The following ITFG1 variants were observed in gnomAD, a reference collection of about 807,000 sequenced individuals.
ITFG1 encodes the protein integrin alpha FG-GAP repeat containing 1, also known as T-cell immunomodulatory protein.
ITFG1 carries 34 observed loss-of-function variants against 81.8 expected under a neutral mutation model. The ratio of observed to expected loss-of-function variants is 0.42; its 90% CI spans 0.32 to 0.55. ITFG1 has a LOEUF of 0.55. Ranked by LOEUF, ITFG1 falls within the 20% of genes least tolerant of loss-of-function variation. The probability of loss-of-function intolerance (pLI) is 0.17; values close to 1 mark genes in which losing one functional copy is unlikely to be tolerated. For synonymous variants in ITFG1, 285 were observed against 270.6 expected, an observed-to-expected ratio of 1.05 and a Z score of -0.52; for missense variants, 672 against 755.4, an observed-to-expected ratio of 0.89 and a Z score of 1.29.
chr16:47,242,726 G>A (rs548896494), intron 12 of ITFG1, among the ~76,000 whole-genome samples: 4 of 152,184 alleles, frequency 2.6e-5, no homozygotes, highest in Admixed American at 6.5e-5. Context: ...ACTGTAGGTC[G>A]AAGTAGAAAA....
intron 8 of ITFG1, among the ~76,000 whole-genome samples, chr16:47,337,225 T>C (rs974193110): frequency 2.6e-5 from 4 of 152,022 alleles, no homozygotes; most frequent in African/African-American, 9.7e-5. Flanking sequence ...GATATCCTCT[T>C]GTGGAAATTT....
intron 3 of ITFG1, among the ~76,000 whole-genome samples, chr16:47,453,512 G>C (rs1034352166): frequency 1.4e-4 from 21 of 152,184 alleles, no homozygotes; most frequent in Admixed American, 1.2e-3. Context: ...GAGTCTTAAA[G>C]GCATGAATGA....
intron 12 of ITFG1, among the ~76,000 whole-genome samples, chr16:47,243,546 T>C (rs988960059): frequency 1.3e-5 from 2 of 152,122 alleles, no homozygotes; most frequent in African/African-American, 4.8e-5. Flanking sequence ...CTCATGTCTA[T>C]GAAATACTGG....
At chr16:47,320,126 A>G (rs1326058049) in intron 8 of ITFG1, among the ~76,000 whole-genome samples, 3 of 152,238 alleles carry the variant, frequency 2.0e-5, no homozygotes, top group African/African-American at 7.2e-5. Flanking sequence ...AGTCACTACA[A>G]GAGAGGTTAC....
Position 47,162,627 on chromosome 16 carries a change from T to G in ITFG1, c.1491A>C (p.Gln497His). Residue 497 changes from glutamine (Q) to histidine (H), a missense_variant, in exon 15 of 18, where the codon CAA becomes CAC. Gln to His is a conservative substitution (Grantham distance 24). Transcript: ENST00000320640. ...CTAAACCAAGCACGTTGTATGGTAG[T>G]TGGAGAGCTAAATGTGCGGATTGGC... ...QLSQSAHLAL[Q>H]LPYNVLGLGR... 6.2e-7 allele frequency: 1 copy of G among 1,611,410 alleles called. No homozygotes were observed. Among genetic ancestry groups the G allele is most frequent in the African/African-American group, 1.3e-5 (1 of 74,950 alleles).
chr16:47,283,684 T>C (rs1368489556), intron 10 of ITFG1, among the ~76,000 whole-genome samples: 1 of 152,216 alleles, frequency 6.6e-6, no homozygotes, highest in Non-Finnish European at 1.5e-5. Flanking sequence ...ACTTCGACTT[T>C]AGCCCAGTGA....
intron 8 of ITFG1, among the ~76,000 whole-genome samples, chr16:47,332,852 T>C (rs559217377): frequency 6.6e-6 from 1 of 152,352 alleles, no homozygotes; most frequent in African/African-American, 2.4e-5. Flanking sequence ...CACGTCAGTC[T>C]TTCCAACTAA....
chr16:47,442,143 A>C (rs972881292), intron 5 of ITFG1, among the ~76,000 whole-genome samples: 1 of 152,220 alleles, frequency 6.6e-6, no homozygotes, highest in Non-Finnish European at 1.5e-5. Flanking sequence ...GGACCTCTTC[A>C]AGGAGAACTA....
chr16:47,326,805 C>G lies in ITFG1; in HGVS notation c.803-12982G>C, dbSNP rs975729603. On this transcript the variant is annotated intron_variant, in intron 8 of 17. Transcript: ENST00000320640. ...CCTCTTCAAGGAGAACTACAAACCACTGCTCAAGGAAATAAAAGAGGATAC... is the reference window on the plus strand; with the variant it reads ...CCTCTTCAAGGAGAACTACAAACCAGTGCTCAAGGAAATAAAAGAGGATAC... 8.3e-4 allele frequency among the ~76,000 whole-genome samples: 127 copies of G among 152,280 alleles called. 1 individual carries two copies. The highest frequency in any genetic ancestry group is 2.9e-3 in the African/African-American group (121 of 41,544).
At chr16:47,256,797 G>A (rs1261666725) in intron 12 of ITFG1, among the ~76,000 whole-genome samples, 3 of 152,134 alleles carry the variant, frequency 2.0e-5, no homozygotes, top group South Asian at 2.1e-4. Flanking sequence ...ACACTAATAC[G>A]TTCTGTTGCT....
chr16:47,341,432 A>T (rs1037401866), intron 8 of ITFG1, among the ~76,000 whole-genome samples: 2 of 150,490 alleles, frequency 1.3e-5, no homozygotes, highest in East Asian at 3.9e-4. Context: ...AAAAAAAGAA[A>T]ATACTTGAGA....
chr16:47,406,072 A>G (rs1024615596), intron 6 of ITFG1, among the ~76,000 whole-genome samples: 8 of 152,248 alleles, frequency 5.3e-5, no homozygotes, highest in Non-Finnish European at 1.0e-4. Flanking sequence ...ATCAGAGAAC[A>G]TAATGATAAT....
At chr16:47,157,620 C>T (rs1964734480) in intron 17 of ITFG1, 1 of 152,086 alleles carries the variant, frequency 6.6e-6, no homozygotes, top group South Asian at 2.1e-4. Flanking sequence ...TATGGTTGTC[C>T]TTGATCTTAC....
chr16:47,171,858 AGT>A (rs1171674189), intron 14 of ITFG1, among the ~76,000 whole-genome samples: 2 of 152,174 alleles, frequency 1.3e-5, no homozygotes, highest in African/African-American at 2.4e-5. Context: ...ATATATGAAT[AGT>A]TTTGTATCTG....
intron 6 of ITFG1, among the ~76,000 whole-genome samples, chr16:47,418,238 C>G (rs530870746): frequency 6.6e-6 from 1 of 152,002 alleles, no homozygotes; most frequent in African/African-American, 2.4e-5. Flanking sequence ...GCTTTCTTAC[C>G]GTTGAATTCT....
intron 7 of ITFG1, among the ~76,000 whole-genome samples, chr16:47,370,204 C>T (rs1968233856): frequency 6.6e-6 from 1 of 152,066 alleles, no homozygotes; most frequent in Admixed American, 6.6e-5. Context: ...GGATGGGTCC[C>T]CGGTGAAACC....
intron 13 of ITFG1, among the ~76,000 whole-genome samples, chr16:47,236,993 A>G (rs1187003161): frequency 6.6e-6 from 1 of 152,194 alleles, no homozygotes; most frequent in Non-Finnish European, 1.5e-5. Context: ...TGATTGATGC[A>G]AGAGTTCAAA....
At position 47,385,045 on chromosome 16, in the gene ITFG1, G is replaced by A. The variant is rs116330391; in HGVS notation, c.656-9105C>T. Reference sequence around the variant, plus strand: ...TGGCAGAGGTACTCTCTTGTTGGACGAATTTGAGGAGGGCTTCACTGAGGA... The same window carrying A: ...TGGCAGAGGTACTCTCTTGTTGGACAAATTTGAGGAGGGCTTCACTGAGGA... On this transcript the variant is annotated intron_variant, in intron 6 of 17. Transcript: ENST00000320640. Among the ~76,000 whole-genome samples the A allele has an allele frequency of 2.3e-3, 357 of 152,340 alleles. 3 individuals are homozygous for A. Among genetic ancestry groups the A allele is most frequent in the African/African-American group, 7.9e-3 (328 of 41,566 alleles).
At chr16:47,332,850 T>A (rs1369464940) in intron 8 of ITFG1, among the ~76,000 whole-genome samples, 1 of 152,208 alleles carries the variant, frequency 6.6e-6, no homozygotes, top group Non-Finnish European at 1.5e-5. Context: ...TTCACGTCAG[T>A]CTTTCCAACT....
Sources: allele counts gnomAD v4.1 joint callset (sites outside exome capture counted in the v4.1 genomes callset), GRCh38; gene constraint gnomAD v4.1.1; transcripts MANE v1.5; gene names NCBI Gene and HGNC (gene_info 2026-07-23, HGNC 2026-07-21).